LIN28B: variants seen among roughly 807,000 people sequenced by gnomAD.
The protein encoded by LIN28B is protein lin-28 homolog B.
A neutral mutation model predicts 21.9 loss-of-function variants in LIN28B; 5 were observed. The observed-to-expected ratio is 0.23, with a 90% CI of 0.12 to 0.48. The LOEUF (loss-of-function observed/expected upper bound fraction) is 0.48, where lower values mean the gene tolerates loss of function less well. Ranked by LOEUF, LIN28B falls within the 20% of genes least tolerant of loss-of-function variation. The probability of loss-of-function intolerance (pLI) is 0.98; values close to 1 mark genes in which losing one functional copy is unlikely to be tolerated. For synonymous variants in LIN28B, 109 were observed against 111.3 expected (o/e 0.98, Z 0.13); for missense variants, 245 against 310.5 (o/e 0.79, Z 1.58).
At chr6:104,937,766 A>G (rs1778027348) in intron 2 of LIN28B, among the ~76,000 whole-genome samples, 1 of 152,166 alleles carries the variant, frequency 6.6e-6, no homozygotes, top group Admixed American at 6.6e-5. Flanking sequence ...GGTCTTGGTA[A>G]GTATTTCCTT....
At chr6:104,990,105 T>A (rs991296346) in intron 2 of LIN28B, among the ~76,000 whole-genome samples, 3 of 152,028 alleles carry the variant, frequency 2.0e-5, no homozygotes, top group Non-Finnish European at 4.4e-5. Flanking sequence ...GTTGCTGAAT[T>A]TCTAAATATT....
At chr6:105,075,610 T>C (rs2114422781) in intron 3 of LIN28B, among the ~76,000 whole-genome samples, 1 of 152,324 alleles carries the variant, frequency 6.6e-6, no homozygotes, top group South Asian at 2.1e-4. Flanking sequence ...GAATTAACTA[T>C]GCAGATCAAA....
rs542347539 is a variant in LIN28B at position 105,081,862 on chromosome 6, C to G, written c.*3079C>G. On this transcript the variant is annotated 3_prime_UTR_variant, in exon 4 of 4. Transcript: ENST00000345080. Reference sequence around the variant, plus strand: ...GCCAAGCGTATTGCAGCATTATAGCCCCAGGCACATAACTAACTAGCACTG... The same window carrying G: ...GCCAAGCGTATTGCAGCATTATAGCGCCAGGCACATAACTAACTAGCACTG... The G allele has an allele frequency of 8.5e-5, 13 of 152,698 alleles. No homozygotes were observed. Among genetic ancestry groups the G allele is most frequent in the African/African-American group, 3.1e-4 (13 of 41,530 alleles). The allele number at this position is 152,698 out of a possible 1,614,324, so 9.5% of individuals were successfully genotyped here. A position where few individuals can be genotyped will look rare whatever the true frequency, so the allele number is the denominator to read the frequency against.
At chr6:105,012,295 C>G (rs569695485) in intron 2 of LIN28B, among the ~76,000 whole-genome samples, 26 of 152,096 alleles carry the variant, frequency 1.7e-4, no homozygotes, top group Admixed American at 1.4e-3. Context: ...TGGTGAAACC[C>G]TGTCTCTACT....
chr6:104,983,989 A>G (rs1432323002), intron 2 of LIN28B, among the ~76,000 whole-genome samples: 1 of 152,196 alleles, frequency 6.6e-6, no homozygotes, highest in Admixed American at 6.5e-5. Flanking sequence ...GTCACGAACA[A>G]TTTACTTGCC....
chr6:105,010,326 A>C (rs1770897519), intron 2 of LIN28B, among the ~76,000 whole-genome samples: 1 of 151,288 alleles, frequency 6.6e-6, no homozygotes, highest in Admixed American at 6.6e-5. Flanking sequence ...TTATGCTACT[A>C]CACTCCAGCC....
intron 3 of LIN28B, among the ~76,000 whole-genome samples, chr6:105,064,675 T>C (rs952833673): frequency 2.0e-5 from 3 of 152,218 alleles, no homozygotes; most frequent in Non-Finnish European, 4.4e-5. Flanking sequence ...AAATATATTT[T>C]TTGAATAAAA....
chr6:104,972,050 A>C (rs1298761258), intron 2 of LIN28B, among the ~76,000 whole-genome samples: 2 of 152,160 alleles, frequency 1.3e-5, no homozygotes, highest in Non-Finnish European at 2.9e-5. Flanking sequence ...GGCTCACTGC[A>C]GCCTCCACCT....
chr6:104,955,058 C>T (rs1778268370), upstream of LIN28B, among the ~76,000 whole-genome samples: 1 of 151,918 alleles, frequency 6.6e-6, no homozygotes, highest in Non-Finnish European at 1.5e-5. Flanking sequence ...AGATTTTTTT[C>T]CTCTTATACC....
chr6:105,002,744 A>G (rs907163990), intron 2 of LIN28B, among the ~76,000 whole-genome samples: 2 of 152,176 alleles, frequency 1.3e-5, no homozygotes, highest in African/African-American at 4.8e-5. Context: ...AAGAGAAGCT[A>G]TTTGTTTTTT....
At chr6:105,038,426 GGTCAGCAGGGCCA>G (rs1305060119) in intron 3 of LIN28B, among the ~76,000 whole-genome samples, 2 of 152,134 alleles carry the variant, frequency 1.3e-5, no homozygotes, top group Non-Finnish European at 2.9e-5. Context: ...GGCTGCTGTT[GGTCAGCAGGGCCA>G]ACAGTTGGGA....
rs777784792 is a variant in LIN28B at position 105,026,414 on chromosome 6, C to A, written c.315C>A (p.Ser105Arg). The A allele has an allele frequency of 6.2e-6, 10 of 1,610,256 alleles. No homozygotes were observed. The East Asian group carries it at 1.1e-4, about 18-fold the overall frequency. ...TACGGGTAACAGGACCTGGTGGGAG[C>A]CCCTGTTTAGGAAGTGAAAGAAGAC... Reference protein sequence around the residue: ...ESIRVTGPGGSPCLGSERRPK... With the variant: ...ESIRVTGPGGRPCLGSERRPK... The change falls in exon 3 of 4, where the codon AGC becomes AGA. Residue 105 changes from serine (S) to arginine (R), a missense_variant. Transcript: ENST00000345080.
At chr6:104,961,456 A>C (rs1769737662) in intron 2 of LIN28B, among the ~76,000 whole-genome samples, 1 of 151,954 alleles carries the variant, frequency 6.6e-6, no homozygotes. Flanking sequence ...GCTGGAGTGC[A>C]GTGGTGAGAT....
At position 104,957,140 on chromosome 6, in the gene LIN28B, T is replaced by G; in HGVS notation, c.-111T>G. On this transcript the variant is annotated 5_prime_UTR_variant, in exon 1 of 4. Transcript: ENST00000345080. ...GGAAAGCACATTAGACCATGCGAGC[T>G]AAATTTGTGATCGCACAAAATCAAG... is the stretch of plus-strand genomic sequence containing the variant. 6.2e-7 allele frequency: 1 copy of G among 1,610,966 alleles called. No individual in the cohort carries two copies. Among genetic ancestry groups the G allele is most frequent in the East Asian group, 2.2e-5 (1 of 44,714 alleles).
intron 3 of LIN28B, among the ~76,000 whole-genome samples, chr6:105,051,470 C>T (rs576852399): frequency 2.0e-5 from 3 of 150,928 alleles, no homozygotes; most frequent in East Asian, 3.9e-4. Context: ...GAAAGAGCCA[C>T]GACAACTGTT....
chr6:105,066,209 G>A (rs188189579), intron 3 of LIN28B, among the ~76,000 whole-genome samples: 1 of 152,162 alleles, frequency 6.6e-6, no homozygotes, highest in East Asian at 1.9e-4. Flanking sequence ...GGAAGTGCTA[G>A]TAGTTAGTAG....
Position 104,964,829 on chromosome 6 carries a change from T to G in LIN28B, c.198+6543T>G, listed in dbSNP as rs201713646. Reference sequence around the variant, plus strand: ...ATTGGAGGACAGTCTGATTATTGCTTCTTCTTTTCCAATATCTAAATATTT... The same window carrying G: ...ATTGGAGGACAGTCTGATTATTGCTGCTTCTTTTCCAATATCTAAATATTT... On this transcript the variant is annotated intron_variant, in intron 2 of 3. Transcript: ENST00000345080. Among the ~76,000 whole-genome samples, 4 of 152,324 alleles carry G rather than the reference T, an allele frequency of 2.6e-5. No individual in the cohort carries two copies. In the East Asian group the frequency reaches 7.7e-4, roughly 29 times the overall value.
chr6:105,051,213 G>A (rs1279066133), intron 3 of LIN28B, among the ~76,000 whole-genome samples: 4 of 151,576 alleles, frequency 2.6e-5, no homozygotes, highest in Admixed American at 2.6e-4. Flanking sequence ...GGCCGAGTCG[G>A]GTGGATCATG....
At chr6:105,062,961 T>C (rs1772150575) in intron 3 of LIN28B, among the ~76,000 whole-genome samples, 1 of 152,352 alleles carries the variant, frequency 6.6e-6, no homozygotes, top group Middle Eastern at 3.4e-3. Context: ...TGGTTTCTTA[T>C]GTAAATTTCT....
Sources: allele counts gnomAD v4.1 joint callset (sites outside exome capture counted in the v4.1 genomes callset), GRCh38; gene constraint gnomAD v4.1.1; transcripts MANE v1.5; gene names NCBI Gene and HGNC (gene_info 2026-07-23, HGNC 2026-07-21).